The following ARB2A variants were observed in gnomAD, a reference collection of about 807,000 sequenced individuals.
The protein encoded by ARB2A is ARB2 cotranscriptional regulator A.
At chr5:94,071,611 T>C in the ARB2A span, among the ~76,000 whole-genome samples, 1 of 152,084 alleles carries the variant, frequency 6.6e-6, no homozygotes, top group Non-Finnish European at 1.5e-5. Flanking sequence ...AGACAAGGTA[T>C]AGATGGCAAA....
chr5:93,655,090 AT>A, the ARB2A span, among the ~76,000 whole-genome samples: 1 of 152,210 alleles, frequency 6.6e-6, no homozygotes, highest in Admixed American at 6.5e-5. Flanking sequence ...CACGTATAAA[AT>A]TGAGATAATA....
chr5:93,760,725 A>C, the ARB2A span, among the ~76,000 whole-genome samples: 3 of 152,354 alleles, frequency 2.0e-5, no homozygotes, highest in South Asian at 6.2e-4. Context: ...CTGGATCCTC[A>C]TCTGTCACCT....
At chr5:93,630,618 A>G in the ARB2A span, among the ~76,000 whole-genome samples, 1 of 152,060 alleles carries the variant, frequency 6.6e-6, no homozygotes, top group Non-Finnish European at 1.5e-5. Flanking sequence ...AAGAGGGCGT[A>G]GTGGGGGCGC....
chr5:93,935,066 G>A, the ARB2A span, among the ~76,000 whole-genome samples: 1 of 152,212 alleles, frequency 6.6e-6, no homozygotes, highest in East Asian at 1.9e-4. Flanking sequence ...TGGACTTTGG[G>A]GACTTGGGGC....
At chr5:94,045,237 A>C in the ARB2A span, among the ~76,000 whole-genome samples, 1 of 152,152 alleles carries the variant, frequency 6.6e-6, no homozygotes. Flanking sequence ...ATAACCATAA[A>C]AATGGGCAAC....
At chr5:94,086,038 G>A in the ARB2A span, among the ~76,000 whole-genome samples, 1 of 152,144 alleles carries the variant, frequency 6.6e-6, no homozygotes, top group South Asian at 2.1e-4. Flanking sequence ...GCATGAGATG[G>A]GAAGAAGCAC....
the ARB2A span, among the ~76,000 whole-genome samples, chr5:93,663,840 A>G: frequency 6.6e-6 from 1 of 152,234 alleles, no homozygotes; most frequent in Non-Finnish European, 1.5e-5. Context: ...ATGAAATATT[A>G]TATCTTTTTG....
the ARB2A span, among the ~76,000 whole-genome samples, chr5:93,954,211 C>T: frequency 6.6e-6 from 1 of 152,082 alleles, no homozygotes; most frequent in Admixed American, 6.5e-5. Flanking sequence ...TCACCATTGC[C>T]ACCACAGCTG....
At chr5:93,678,478 G>A in the ARB2A span, among the ~76,000 whole-genome samples, 3 of 152,176 alleles carry the variant, frequency 2.0e-5, no homozygotes, top group Admixed American at 6.5e-5. Context: ...AAATGTGGCC[G>A]AGTGCGGTGG....
the ARB2A span, chr5:93,619,228 G>A: frequency 6.6e-6 from 1 of 152,128 alleles, no homozygotes; most frequent in African/African-American, 2.4e-5. Flanking sequence ...TGATGTTGTT[G>A]GGGTTTACTC....
chr5:93,764,384 A>T, the ARB2A span, among the ~76,000 whole-genome samples: 1 of 152,258 alleles, frequency 6.6e-6, no homozygotes, highest in South Asian at 2.1e-4. Context: ...CCAATCCCAC[A>T]GAAATACAAA....
chr5:93,696,849 G>T, the ARB2A span, among the ~76,000 whole-genome samples: 1 of 151,940 alleles, frequency 6.6e-6, no homozygotes, highest in Non-Finnish European at 1.5e-5. Context: ...ATTGCCTGAG[G>T]TCGAGAGTTT....
At chr5:93,685,604 T>C in the ARB2A span, among the ~76,000 whole-genome samples, 2 of 152,164 alleles carry the variant, frequency 1.3e-5, no homozygotes, top group Non-Finnish European at 2.9e-5. Context: ...TTCTAAAAAA[T>C]CTTAGCTGTT....
chr5:93,922,589 A>AAGGGGAGGGGAGGGGAAGGGAGGGG, the ARB2A span, among the ~76,000 whole-genome samples: 1 of 118,098 alleles, frequency 8.5e-6, no homozygotes, highest in African/African-American at 3.1e-5. Context: ...AAGGGAAGGG[A>AAGGGGAGGGGAGGGGAAGGGAGGGG]AGGGGAGGGG....
At chr5:93,867,555 C>A in the ARB2A span, among the ~76,000 whole-genome samples, 1 of 151,952 alleles carries the variant, frequency 6.6e-6, no homozygotes, top group South Asian at 2.1e-4. Context: ...GTAGCTGGGA[C>A]TACAGGCGTG....
the ARB2A span, among the ~76,000 whole-genome samples, chr5:94,012,943 TAGAA>T: frequency 7.2e-5 from 11 of 152,244 alleles, no homozygotes; most frequent in South Asian, 2.3e-3. Flanking sequence ...CAGTGATTGG[TAGAA>T]AGAAACGGGA....
chr5:93,929,183 G>C, the ARB2A span, among the ~76,000 whole-genome samples: 1 of 151,914 alleles, frequency 6.6e-6, no homozygotes, highest in Non-Finnish European at 1.5e-5. Context: ...TCATATCAAT[G>C]CATTTTCATT....
chr5:93,693,760 G>T, the ARB2A span, among the ~76,000 whole-genome samples: 1 of 152,042 alleles, frequency 6.6e-6, no homozygotes, highest in Admixed American at 6.6e-5. Flanking sequence ...TCAGGCCAAT[G>T]TCTCTCATGA....
chr5:93,806,148 A>C, the ARB2A span, among the ~76,000 whole-genome samples: 1 of 151,980 alleles, frequency 6.6e-6, no homozygotes, highest in Non-Finnish European at 1.5e-5. Context: ...ACTTGCACCA[A>C]GTTGAGAGGC....
Sources: allele counts gnomAD v4.1 joint callset (sites outside exome capture counted in the v4.1 genomes callset), GRCh38; gene constraint gnomAD v4.1.1; transcripts MANE v1.5; gene names NCBI Gene and HGNC (gene_info 2026-07-23, HGNC 2026-07-21).